The following KIF14 variants were observed in gnomAD, a reference collection of about 807,000 sequenced individuals.
KIF14 encodes kinesin-like protein KIF14.
KIF14 carries 98 observed loss-of-function variants against 176.2 expected under a neutral mutation model. The ratio of observed to expected loss-of-function variants is 0.56; its 90% confidence interval spans 0.47 to 0.66. The LOEUF is 0.66. Ranked by LOEUF, KIF14 falls within the 30% of genes least tolerant of loss-of-function variation. The probability of loss-of-function intolerance (pLI) is 0.00; values close to 1 mark genes in which losing one functional copy is unlikely to be tolerated. For synonymous variants in KIF14, 566 were observed against 632.2 expected (o/e 0.90, Z 1.57); for missense variants, 1,751 against 1,920.4 (o/e 0.91, Z 1.65).
Position 200,592,251 on chromosome 1 carries a change from C to CA in KIF14, c.2653-12dup, listed in dbSNP as rs747395988. 1.8e-5 allele frequency: 29 copies of CA among 1,583,410 alleles called. No individual in the cohort carries two copies. Among genetic ancestry groups the CA allele is most frequent in the Admixed American group, 5.7e-5 (3 of 52,370 alleles). On this transcript the variant is annotated splice_polypyrimidine_tract_variant and intron_variant, in intron 15 of 29. Coordinates refer to ENST00000367350, the MANE Select transcript of KIF14 (RefSeq NM_014875.3). ...AATCACTCGATCACCCTAAAGCACA[C>CA]AAAAAAATGTACTACTTGAGGTGAG... is the stretch of plus-strand genomic sequence containing the variant.
chr1:200,608,625 A>C (rs1235065921), intron 5 of KIF14, among the ~76,000 whole-genome samples: 1 of 152,062 alleles, frequency 6.6e-6, no homozygotes, highest in Non-Finnish European at 1.5e-5. Context: ...AGCCTCCCAA[A>C]GTGCTGGGAT....
chr1:200,581,894 C>T (rs1242059353), intron 19 of KIF14, among the ~76,000 whole-genome samples: 1 of 151,406 alleles, frequency 6.6e-6, no homozygotes, highest in Non-Finnish European at 1.5e-5. Context: ...CTCAGCCTTC[C>T]AAGTAGCTGG....
chr1:200,567,523 G>A (rs1315235082), intron 23 of KIF14, among the ~76,000 whole-genome samples: 3 of 115,358 alleles, frequency 2.6e-5, no homozygotes, highest in Non-Finnish European at 5.4e-5. Context: ...GACAGAGCGA[G>A]ACTCCGTCTA....
chr1:200,598,687 T>C (rs1659485985), intron 13 of KIF14, among the ~76,000 whole-genome samples: 1 of 152,156 alleles, frequency 6.6e-6, no homozygotes, highest in Non-Finnish European at 1.5e-5. Context: ...GCCTCCCAAG[T>C]AGCTGAGACT....
chr1:200,594,196 A>C (rs2102701146), intron 14 of KIF14, among the ~76,000 whole-genome samples: 1 of 151,876 alleles, frequency 6.6e-6, no homozygotes, highest in Admixed American at 6.6e-5. Flanking sequence ...CGGCCTCCCA[A>C]AATGCTGGGA....
chr1:200,556,424 T>A (rs1473620605), intron 27 of KIF14, among the ~76,000 whole-genome samples: 1 of 152,260 alleles, frequency 6.6e-6, no homozygotes, highest in Non-Finnish European at 1.5e-5. Flanking sequence ...CTTTGGATAT[T>A]TTATTCTTCT....
At chr1:200,558,218 G>C (rs1558043097) in intron 27 of KIF14, among the ~76,000 whole-genome samples, 2 of 152,190 alleles carry the variant, frequency 1.3e-5, no homozygotes, top group Non-Finnish European at 2.9e-5. Flanking sequence ...GCCTTCCAAA[G>C]TGCTGGGATT....
chr1:200,613,835 G>A (rs1660275863), intron 4 of KIF14, among the ~76,000 whole-genome samples: 1 of 152,194 alleles, frequency 6.6e-6, no homozygotes, highest in South Asian at 2.1e-4. Context: ...AGCTGAATGT[G>A]TAAATGAATA....
chr1:200,577,721 A>G (rs937312585), intron 21 of KIF14, among the ~76,000 whole-genome samples: 1 of 152,088 alleles, frequency 6.6e-6, no homozygotes, highest in African/African-American at 2.4e-5. Context: ...AAAAGAAAAA[A>G]AAAAAAGAAG....
intron 27 of KIF14, among the ~76,000 whole-genome samples, chr1:200,557,643 C>A (rs1359668885): frequency 1.2e-4 from 18 of 152,054 alleles, no homozygotes; most frequent in Non-Finnish European, 2.9e-5. Flanking sequence ...GTAGTATGAG[C>A]AAAGGGATGG....
intron 4 of KIF14, among the ~76,000 whole-genome samples, chr1:200,614,055 C>T (rs1222502845): frequency 6.6e-6 from 1 of 152,174 alleles, no homozygotes; most frequent in African/African-American, 2.4e-5. Flanking sequence ...TGTTTGTGAG[C>T]CTCTACGTAT....
intron 16 of KIF14, among the ~76,000 whole-genome samples, chr1:200,590,633 G>C (rs1300042807): frequency 6.6e-6 from 1 of 152,188 alleles, no homozygotes; most frequent in Non-Finnish European, 1.5e-5. Flanking sequence ...CACAGCTAGG[G>C]AGAGAGGAGA....
At chr1:200,609,474 C>A (rs1229818048) in intron 4 of KIF14, among the ~76,000 whole-genome samples, 1 of 152,108 alleles carries the variant, frequency 6.6e-6, no homozygotes, top group East Asian at 1.9e-4. Context: ...CATGGTGAAA[C>A]CACACCTCTA....
chr1:200,554,656 G>T, intron 28 of KIF14, 50 bp from the exon 29 acceptor site: 1 of 930,076 alleles, frequency 1.1e-6, no homozygotes, highest in Non-Finnish European at 1.6e-6. Context: ...AGGCTCAATG[G>T]CAGTAAGGCT....
At chr1:200,599,789 T>C (rs1659536131) in intron 13 of KIF14, among the ~76,000 whole-genome samples, 1 of 152,232 alleles carries the variant, frequency 6.6e-6, no homozygotes, top group East Asian at 1.9e-4. Flanking sequence ...ATTTAATATA[T>C]ATTTGTAGAA....
chr1:200,553,604 A>G lies in KIF14; in HGVS notation c.4731T>C (p.Ser1577=), dbSNP rs1163763016. Residue 1577 remains serine, a synonymous_variant, in exon 30 of 30, where the codon TCT becomes TCC. Transcript: ENST00000367350. ...VHQELESLAK[S]LLFCFESEES... is the part of the protein sequence containing the mutation. ...CTTCAGATTCAAAACAAAAGAGGAG[A>G]GACTTAGCTAGAGATTCTAGTTCCT... The G allele has an allele frequency of 1.9e-6, 3 of 1,613,986 alleles. No individual in the cohort carries two copies. The highest frequency in any genetic ancestry group is 8.5e-7 in the Non-Finnish European group (1 of 1,180,016).
chr1:200,582,231 A>C (rs1658500165), intron 19 of KIF14, among the ~76,000 whole-genome samples: 1 of 152,090 alleles, frequency 6.6e-6, no homozygotes, highest in Admixed American at 6.5e-5. Flanking sequence ...TAAATTAGCC[A>C]AGCAAGGAAG....
chr1:200,554,401 A>AT, intron 29 of KIF14, 67 bp downstream of exon 29: 1 of 1,108,180 alleles, frequency 9.0e-7, no homozygotes, highest in Non-Finnish European at 1.3e-6. Context: ...AAAAAAAAAA[A>AT]GGAAAGATGT....
Position 200,602,031 on chromosome 1 carries a change from C to T in KIF14, c.2017G>A (p.Ala673Thr). 1.2e-6 allele frequency: 2 copies of T among 1,613,516 alleles called. No homozygotes were observed. Among genetic ancestry groups the T allele is most frequent in the South Asian group, 1.1e-5 (1 of 90,904 alleles). The part of the protein sequence containing the change: ...KESLGGNSKT[A>T]MIATISPAAS... ...GCGGGACTAATCGTAGCAATCATTG[C>T]AGTTTTTGAATTTCCACCCAGACTT... The change falls in exon 11 of 30, where the codon GCA becomes ACA. Residue 673 changes from alanine to threonine, a missense_variant. Transcript: ENST00000367350.
Sources: gnomAD v4.1 joint callset for allele counts (sites outside exome capture counted in the v4.1 genomes callset) on GRCh38, gnomAD v4.1.1 for gene constraint, MANE v1.5 for transcripts, NCBI Gene and HGNC (gene_info 2026-07-23, HGNC 2026-07-21) for gene names.